Variants in BICC1 observed in about 807,000 individuals in gnomAD.
The protein encoded by BICC1 is protein bicaudal C homolog 1.
In BICC1, 43 loss-of-function variants were observed where a neutral mutation model predicts 111.0. The ratio of observed to expected loss-of-function variants is 0.39; its 90% CI spans 0.30 to 0.50. The LOEUF (loss-of-function observed/expected upper bound fraction) is 0.50. BICC1 is among the 20% of genes least tolerant of loss of function. BICC1 has a pLI of 0.88. For missense variants in BICC1, 1,091 were observed against 1,203.2 expected (o/e 0.91, Z 1.38); for synonymous variants, 467 against 434.4 (o/e 1.07, Z -0.93).
chr10:58,718,781 C>T (rs1223869369), intron 3 of BICC1, among the ~76,000 whole-genome samples: 2,134 of 142,636 alleles, frequency 0.015, 57 homozygotes, highest in African/African-American at 0.056. Context: ...CGCGCGTGCG[C>T]GCGTGCGCAC....
chr10:58,722,552 TA>T (rs1054114234), intron 3 of BICC1, among the ~76,000 whole-genome samples: 1 of 152,238 alleles, frequency 6.6e-6, no homozygotes, highest in African/African-American at 2.4e-5. Context: ...ATGTATTTTT[TA>T]ATCAGAAAAT....
chr10:58,674,284 TC>T (rs1484039830), intron 2 of BICC1, among the ~76,000 whole-genome samples: 4 of 152,014 alleles, frequency 2.6e-5, no homozygotes, highest in African/African-American at 7.2e-5. Context: ...TTACCATTTA[TC>T]CTTGTCATTG....
chr10:58,653,595 T>G (rs982792679), intron 2 of BICC1, among the ~76,000 whole-genome samples: 2 of 152,160 alleles, frequency 1.3e-5, no homozygotes, highest in African/African-American at 2.4e-5. Context: ...ACTGCTGAAG[T>G]GTTGTCTTCA....
chr10:58,828,984 T>G lies in BICC1; in HGVS notation c.*93T>G. On this transcript the variant is annotated 3_prime_UTR_variant, in exon 21 of 21. Coordinates refer to ENST00000373886, the MANE Select transcript of BICC1 (RefSeq NM_001080512.3). ...TCACAGCACACCATCCTTAGCACTC[T>G]GGGTGTCTGGTATCAGGACCAAAGC... The G allele has an allele frequency of 6.8e-7, 1 of 1,472,904 alleles. No homozygotes were observed. The highest frequency in any genetic ancestry group is 9.2e-7 in the Non-Finnish European group (1 of 1,085,082). 91.2% of individuals were successfully genotyped at this position (1,472,904 alleles called of 1,614,324 possible). A position where few individuals can be genotyped will look rare whatever the true frequency, so the allele number is the denominator to read the frequency against.
intron 3 of BICC1, among the ~76,000 whole-genome samples, chr10:58,766,934 A>G (rs1228856437): frequency 6.6e-6 from 1 of 151,726 alleles, no homozygotes; most frequent in Non-Finnish European, 1.5e-5. Flanking sequence ...AGTGGCTGAA[A>G]GTAGGGAAAG....
rs1324223481 is a variant in BICC1, at chr10:58,537,245, CAAGA to C, written c.190+23918_190+23921del. On this transcript the variant is annotated intron_variant, in intron 1 of 20. Transcript: ENST00000373886. ...GTCAGTATCATCCTGATACCAAAGC[CAAGA>C]AAGAACCTAGCAAAATAAGAAAACT... Among the ~76,000 whole-genome samples, 3 of 151,458 alleles carry C rather than the reference CAAGA, an allele frequency of 2.0e-5. No homozygotes were observed. The East Asian group carries it at 5.8e-4, about 29-fold the overall frequency.
intron 1 of BICC1, among the ~76,000 whole-genome samples, chr10:58,564,543 A>G (rs188659728): frequency 6.6e-6 from 1 of 152,322 alleles, no homozygotes. Flanking sequence ...CAACTATGAC[A>G]TTATGCTGTT....
chr10:58,619,383 G>A (rs1159092297), intron 1 of BICC1, among the ~76,000 whole-genome samples: 1 of 151,664 alleles, frequency 6.6e-6, no homozygotes, highest in Non-Finnish European at 1.5e-5. Flanking sequence ...TAGAGAAGAT[G>A]TCTTATATTT....
At chr10:58,599,113 C>T (rs927564618) in intron 1 of BICC1, among the ~76,000 whole-genome samples, 9 of 152,088 alleles carry the variant, frequency 5.9e-5, no homozygotes, top group African/African-American at 2.2e-4. Flanking sequence ...GGATATAGAA[C>T]CAGAAATACC....
chr10:58,783,712 G>A lies in BICC1; in HGVS notation c.308-1289G>A, dbSNP rs146822739. The stretch of plus-strand genomic sequence containing the variant: ...ATAAAAGACTTAGCCAGTACTAACT[G>A]ACTTTCTTAGAAGTCAGTACATTGT... On this transcript the variant is annotated intron_variant, in intron 3 of 20. Coordinates refer to ENST00000373886, the MANE Select transcript of BICC1 (RefSeq NM_001080512.3). Among the ~76,000 whole-genome samples, 147 of 152,254 alleles carry A rather than the reference G, an allele frequency of 9.7e-4. No homozygotes were observed. The Middle Eastern group carries it at 0.017, about 18-fold the overall frequency.
At chr10:58,803,567 T>C (rs1000836559) in intron 15 of BICC1, among the ~76,000 whole-genome samples, 2 of 152,184 alleles carry the variant, frequency 1.3e-5, no homozygotes, top group Non-Finnish European at 2.9e-5. Context: ...CTAAGTATTC[T>C]TGCTTCATGA....
At chr10:58,579,928 T>C (rs1844229904) in intron 1 of BICC1, among the ~76,000 whole-genome samples, 1 of 152,132 alleles carries the variant, frequency 6.6e-6, no homozygotes, top group African/African-American at 2.4e-5. Flanking sequence ...CCAGTTTAGT[T>C]TCATGGCTAT....
At chr10:58,652,061 C>T (rs1200993557) in intron 2 of BICC1, among the ~76,000 whole-genome samples, 3 of 152,022 alleles carry the variant, frequency 2.0e-5, no homozygotes, top group Non-Finnish European at 2.9e-5. Context: ...GTTCAGAAGA[C>T]AAAAATGGAG....
At chr10:58,819,849 A>G (rs1440840388) in intron 19 of BICC1, among the ~76,000 whole-genome samples, 2 of 152,120 alleles carry the variant, frequency 1.3e-5, no homozygotes, top group Non-Finnish European at 2.9e-5. Context: ...GTGCAGTTTT[A>G]TAGTTCCTGC....
rs367636877 is a variant in BICC1, at chr10:58,544,846, A to G, written c.190+31513A>G. On this transcript the variant is annotated intron_variant, in intron 1 of 20. Transcript: ENST00000373886. ...TTGGAGATAGGGCTTTTGCGGCGGTAATCAAGTTAAAGCAAGATCATTAGG... is the reference window on the plus strand; with the variant it reads ...TTGGAGATAGGGCTTTTGCGGCGGTGATCAAGTTAAAGCAAGATCATTAGG... Among the ~76,000 whole-genome samples the G allele has an allele frequency of 2.6e-5, 4 of 152,114 alleles. No individual in the cohort carries two copies. The East Asian group carries it at 7.7e-4, about 29-fold the overall frequency.
rs1342928677 is a variant in BICC1 at position 58,559,853 on chromosome 10, G to T, written c.190+46520G>T. On this transcript the variant is annotated intron_variant, in intron 1 of 20. Coordinates refer to ENST00000373886, the MANE Select transcript of BICC1 (RefSeq NM_001080512.3). ...TGTGTTTATAGAAATAATCATTTAG[G>T]TTTTGTTCATTTTGTGATATATCAT... Among the ~76,000 whole-genome samples, 3 of 151,930 alleles carry T rather than the reference G, an allele frequency of 2.0e-5. No homozygotes were observed. The East Asian group carries it at 5.8e-4, about 29-fold the overall frequency.
intron 3 of BICC1, among the ~76,000 whole-genome samples, chr10:58,775,295 A>G (rs540102378): frequency 6.6e-6 from 1 of 152,156 alleles, no homozygotes; most frequent in Non-Finnish European, 1.5e-5. Context: ...ATTCACTTGA[A>G]TCTGGGAGGT....
At chr10:58,695,672 A>G (rs1158073115) in intron 2 of BICC1, among the ~76,000 whole-genome samples, 1 of 152,204 alleles carries the variant, frequency 6.6e-6, no homozygotes, top group Non-Finnish European at 1.5e-5. Flanking sequence ...TGAAATAAGC[A>G]TGTTAGTAGA....
intron 3 of BICC1, among the ~76,000 whole-genome samples, chr10:58,741,938 T>C (rs955654716): frequency 3.9e-5 from 6 of 152,188 alleles, no homozygotes; most frequent in African/African-American, 1.4e-4. Context: ...AGGAATGGAA[T>C]GGATAATCAT....
Sources: allele counts gnomAD v4.1 joint callset (sites outside exome capture counted in the v4.1 genomes callset), GRCh38; gene constraint gnomAD v4.1.1; transcripts MANE v1.5; gene names NCBI Gene and HGNC (gene_info 2026-07-23, HGNC 2026-07-21).